The following DPF2 variants were observed in gnomAD, a reference collection of about 807,000 sequenced individuals.
The protein encoded by DPF2 is double PHD fingers 2.
DPF2 carries 10 observed loss-of-function variants against 59.6 expected under a neutral mutation model. That is an observed-to-expected ratio of 0.17 (90% CI 0.10 to 0.28). DPF2 has a LOEUF of 0.28. Ranked by LOEUF, DPF2 falls within the 10% of genes least tolerant of loss-of-function variation. The pLI is 1.00. For synonymous variants in DPF2, 189 were observed against 190.6 expected, an observed-to-expected ratio of 0.99 and a Z score of 0.07; for missense variants, 315 against 509.4, an observed-to-expected ratio of 0.62 and a Z score of 3.67.
Position 65,343,733 on chromosome 11 carries a change from C to A in DPF2, c.466-12C>A. ...CATATTTCTACCCATGCTAACCCTCCTGTCCACTCAGCGGATCCTAGAACC... is the reference window on the plus strand; with the variant it reads ...CATATTTCTACCCATGCTAACCCTCATGTCCACTCAGCGGATCCTAGAACC... On this transcript the variant is annotated splice_polypyrimidine_tract_variant and intron_variant, in intron 4 of 10. Transcript: ENST00000528416. The A allele has an allele frequency of 6.3e-7, 1 of 1,584,758 alleles. No homozygotes were observed.
At chr11:65,342,866 T>G (rs1854414017) in intron 4 of DPF2, among the ~76,000 whole-genome samples, 1 of 145,768 alleles carries the variant, frequency 6.9e-6, no homozygotes, top group African/African-American at 2.6e-5. Context: ...CAAAAAAAAT[T>G]AGCCAGGCGT....
intron 4 of DPF2, among the ~76,000 whole-genome samples, chr11:65,342,513 G>T (rs1446723724): frequency 6.6e-6 from 1 of 152,202 alleles, no homozygotes; most frequent in African/African-American, 2.4e-5. Context: ...TTGTGTCACA[G>T]TTTTTTGGTC....
chr11:65,348,641 A>AT (rs1424525445), intron 9 of DPF2: 1 of 391,280 alleles, frequency 2.6e-6, no homozygotes, highest in Non-Finnish European at 4.6e-6. Flanking sequence ...AGTGGAGGTG[A>AT]TTTGATCAAT....
chr11:65,351,788 T>G lies in DPF2; in HGVS notation c.*29T>G, dbSNP rs764748473. On this transcript the variant is annotated 3_prime_UTR_variant, in exon 11 of 11. Transcript: ENST00000528416. ...GGCCACCCACCTGCTCCCCGACATA[T>G]CTAAGGCTGTTTCTCTCCTCCACTT... 1.2e-6 allele frequency: 2 copies of G among 1,604,864 alleles called. No homozygotes were observed. The highest frequency in any genetic ancestry group is 8.5e-7 in the Non-Finnish European group (1 of 1,173,144).
chr11:65,343,785 A>G lies in DPF2; in HGVS notation c.506A>G (p.Asp169Gly). Reference sequence around the variant, plus strand: ...GATGACTTCCTGGATGACCTCGATGATGAAGACTATGAAGAAGATACTCCC... The same window carrying G: ...GATGACTTCCTGGATGACCTCGATGGTGAAGACTATGAAGAAGATACTCCC... The part of the protein sequence containing the change: ...EPDDFLDDLD[D>G]EDYEEDTPKR... Residue 169 changes from aspartate to glycine, a missense_variant, in exon 5 of 11, where the codon GAT becomes GGT. Physicochemically the swap from Asp to Gly is moderately conservative, Grantham distance 94. Transcript: ENST00000528416. The G allele has an allele frequency of 6.3e-7, 1 of 1,595,922 alleles. No individual in the cohort carries two copies. The highest frequency in any genetic ancestry group is 8.5e-7 in the Non-Finnish European group (1 of 1,171,302).
Position 65,352,128 on chromosome 11 carries a change from C to T in DPF2, c.*369C>T, listed in dbSNP as rs558123128. ...CTCACTTCTCTGTGTTCTGCCTCCC[C>T]TCTGGTCTCCAGAGTTTTCCTGTCC... is the stretch of plus-strand genomic sequence containing the variant. On this transcript the variant is annotated 3_prime_UTR_variant, in exon 11 of 11. Transcript: ENST00000528416. 6 of 238,722 alleles carry T rather than the reference C, an allele frequency of 2.5e-5. No homozygotes were observed. Among genetic ancestry groups the T allele is most frequent in the Admixed American group, 5.1e-5 (1 of 19,680 alleles). The allele number at this position is 238,722 out of a possible 1,614,324, so 14.8% of individuals were successfully genotyped here. A position where few individuals can be genotyped will look rare whatever the true frequency, so the allele number is the denominator to read the frequency against.
At chr11:65,344,921 G>A in intron 6 of DPF2, 1 of 381,832 alleles carries the variant, frequency 2.6e-6, no homozygotes, top group Non-Finnish European at 4.7e-6. Context: ...CCCAGACCAG[G>A]CAGCTGGTGG....
chr11:65,337,205 A>G (rs1408500320), intron 1 of DPF2, among the ~76,000 whole-genome samples: 1 of 151,778 alleles, frequency 6.6e-6, no homozygotes. Flanking sequence ...TAATCCCAGA[A>G]CTTTGGAAGG....
intron 1 of DPF2, among the ~76,000 whole-genome samples, chr11:65,339,587 A>G (rs1371831378): frequency 6.6e-6 from 1 of 152,252 alleles, no homozygotes; most frequent in Non-Finnish European, 1.5e-5. Flanking sequence ...GTACTTGTAG[A>G]CATCTTCCAT....
intron 6 of DPF2, chr11:65,344,770 C>A: frequency 1.2e-6 from 1 of 854,410 alleles, no homozygotes; most frequent in Non-Finnish European, 1.8e-6. Flanking sequence ...CTGCTGTGCT[C>A]TACTCCTCAA....
At chr11:65,336,095 G>C (rs1308949413) in intron 1 of DPF2, among the ~76,000 whole-genome samples, 1 of 152,032 alleles carries the variant, frequency 6.6e-6, no homozygotes, top group Non-Finnish European at 1.5e-5. Flanking sequence ...TTATAGGCGT[G>C]AGCCACCACG....
At chr11:65,338,056 C>T (rs1240538776) in intron 1 of DPF2, among the ~76,000 whole-genome samples, 2 of 152,178 alleles carry the variant, frequency 1.3e-5, no homozygotes, top group Non-Finnish European at 2.9e-5. Flanking sequence ...CCACCTCAGT[C>T]TCCCAAAGTG....
intron 7 of DPF2, 31 bp from the exon 8 acceptor site, chr11:65,345,899 T>C (rs773856468): frequency 6.2e-7 from 1 of 1,613,758 alleles, no homozygotes; most frequent in Non-Finnish European, 8.5e-7. Context: ...GGGACCCCCA[T>C]GGGTGTCATC....
intron 9 of DPF2, chr11:65,346,881 A>G: frequency 6.5e-6 from 1 of 153,816 alleles, no homozygotes. Flanking sequence ...AGGGCATGGG[A>G]GAGTATGGTG....
At chr11:65,337,492 TATATATATATATAGAGAGAGAGAGAG>T (rs1446839424) in intron 1 of DPF2, among the ~76,000 whole-genome samples, 1 of 67,420 alleles carries the variant, frequency 1.5e-5, no homozygotes, top group Admixed American at 1.9e-4. Context: ...TATATATATA[TATATATATATATAGAGAGAGAGAGAG>T]AGAGAGAGAG....
chr11:65,334,256 C>G (rs968552258), intron 1 of DPF2, among the ~76,000 whole-genome samples: 2 of 152,212 alleles, frequency 1.3e-5, no homozygotes, highest in African/African-American at 4.8e-5. Context: ...ACGCCTCAGT[C>G]CGGAGGAGCG....
In DPF2 at chr11:65,341,001, C is replaced by T. The variant is rs1565531873; in HGVS notation, c.229C>T (p.Arg77Trp). The T allele has an allele frequency of 1.2e-6, 2 of 1,614,106 alleles. No individual in the cohort carries two copies. The highest frequency in any genetic ancestry group is 8.5e-7 in the Non-Finnish European group (1 of 1,180,032). Residue 77 changes from arginine to tryptophan, a missense_variant, in exon 3 of 11, where the codon CGG (arginine) becomes TGG (tryptophan). Coordinates refer to ENST00000528416, the MANE Select transcript of DPF2 (RefSeq NM_006268.5). ...CGGACAGCTGTACTCCTACCCTGCC[C>T]GGCGCTGGCGGAAAAAGCGGCGAGC... ...ASGQLYSYPA[R>W]RWRKKRRAHP...
At position 65,344,904 on chromosome 11, in the gene DPF2, C is replaced by T. The variant is rs1854482560; in HGVS notation, c.638-762C>T. Reference sequence around the variant, plus strand: ...AGCCCATTACAATCAGACCCTTCCGCTCCCTCCCCAGACCAGGCAGCTGGT... The same window carrying T: ...AGCCCATTACAATCAGACCCTTCCGTTCCCTCCCCAGACCAGGCAGCTGGT... On this transcript the variant is annotated intron_variant, in intron 6 of 10. Transcript: ENST00000528416. 8 of 432,062 alleles carry T rather than the reference C, an allele frequency of 1.9e-5. No individual in the cohort carries two copies. The East Asian group carries it at 2.9e-4, about 16-fold the overall frequency. 26.8% of individuals were successfully genotyped at this position (432,062 alleles called of 1,614,324 possible).
At chr11:65,341,718 T>G in intron 4 of DPF2, 156 bp downstream of exon 4, 2 of 980,920 alleles carry the variant, frequency 2.0e-6, no homozygotes, top group Non-Finnish European at 2.9e-6. Flanking sequence ...TATTGTCAGG[T>G]ACTGACTGGC....
Sources: gnomAD v4.1 joint callset for allele counts (sites outside exome capture counted in the v4.1 genomes callset) on GRCh38, gnomAD v4.1.1 for gene constraint, MANE v1.5 for transcripts, NCBI Gene and HGNC (gene_info 2026-07-23, HGNC 2026-07-21) for gene names.